TARBP1: variants seen among roughly 807,000 people sequenced by gnomAD.
TARBP1 encodes the protein tRNA (guanosine(18)-2'-O)-methyltransferase TARBP1.
A neutral mutation model predicts 178.6 loss-of-function variants in TARBP1; 144 were observed. The observed-to-expected ratio is 0.81, with a 90% CI of 0.70 to 0.93. The LOEUF is 0.93. TARBP1 is among the 40% of genes least tolerant of loss of function. TARBP1 has a pLI of 0.00. For synonymous variants in TARBP1, 787 were observed against 781.0 expected (o/e 1.01, Z -0.13); for missense variants, 2,067 against 2,011.7 (o/e 1.03, Z -0.53).
Position 234,478,292 on chromosome 1 carries a change from G to A in TARBP1, c.812C>T (p.Ala271Val). 1 of 1,559,798 alleles carries A rather than the reference G, an allele frequency of 6.4e-7. No individual in the cohort carries two copies. Among genetic ancestry groups the A allele is most frequent in the Non-Finnish European group, 8.6e-7 (1 of 1,157,572 alleles). ...CAGGGCGTCCGCCTGGCCCAGCCCC[G>A]CCTGCACCGTCCTCCAGAAGCGCCA... Reference protein sequence around the residue: ...RCWRFWRTVQAGLGQADALTR... With the variant: ...RCWRFWRTVQVGLGQADALTR... Residue 271 changes from alanine (A) to valine (V), a missense_variant, in exon 1 of 30, where the codon GCG becomes GTG. Transcript: ENST00000040877.
At chr1:234,402,791 G>A (rs1660830239) in intron 24 of TARBP1, among the ~76,000 whole-genome samples, 1 of 151,944 alleles carries the variant, frequency 6.6e-6, no homozygotes, top group African/African-American at 2.4e-5. Context: ...TTGCCATGTT[G>A]CCCAGGCTGA....
intron 29 of TARBP1, 110 bp from the exon 30 acceptor site, chr1:234,391,855 A>C: frequency 1.8e-6 from 2 of 1,138,898 alleles, no homozygotes; most frequent in South Asian, 2.9e-5. Context: ...TGATATTCTG[A>C]ATGTTACTAA....
rs982419043 is a variant in TARBP1, at chr1:234,399,673, G to T, written c.4072-1120C>A. 3.3e-5 allele frequency among the ~76,000 whole-genome samples: 5 copies of T among 152,104 alleles called. No homozygotes were observed. In the South Asian group the frequency reaches 1.0e-3, roughly 32 times the overall value. ...ATGATAGACTGGATTAAGAAAATGT[G>T]GCACATATACACCATGGAATACTAT... On this transcript the variant is annotated intron_variant, in intron 25 of 29. Transcript: ENST00000040877.
At chr1:234,400,669 T>C (rs927792709) in intron 25 of TARBP1, among the ~76,000 whole-genome samples, 2 of 152,136 alleles carry the variant, frequency 1.3e-5, no homozygotes, top group Non-Finnish European at 2.9e-5. Flanking sequence ...AATTTACATG[T>C]TAATCATAAT....
chr1:234,399,665 GAA>G (rs1347862364), intron 25 of TARBP1, among the ~76,000 whole-genome samples: 1 of 152,112 alleles, frequency 6.6e-6, no homozygotes, highest in East Asian at 1.9e-4. Flanking sequence ...ACTGGATTAA[GAA>G]AATGTGGCAC....
chr1:234,430,030 A>C, intron 15 of TARBP1, 57 bp downstream of exon 15: 1 of 1,504,670 alleles, frequency 6.6e-7, no homozygotes, highest in Non-Finnish European at 9.1e-7. Flanking sequence ...TTGGGCAATC[A>C]TGAACTCACG....
chr1:234,430,332 A>G, intron 14 of TARBP1, 31 bp from the exon 15 acceptor site: 1 of 1,596,660 alleles, frequency 6.3e-7, no homozygotes, highest in Non-Finnish European at 8.6e-7. Context: ...TGTTTTATTT[A>G]ATATGCACAA....
At chr1:234,464,388 A>G (rs1668218423) in intron 5 of TARBP1, among the ~76,000 whole-genome samples, 1 of 152,234 alleles carries the variant, frequency 6.6e-6, no homozygotes, top group African/African-American at 2.4e-5. Flanking sequence ...TTAATTGTTA[A>G]CATCTACTAA....
chr1:234,454,705 C>T (rs979723226), intron 9 of TARBP1, among the ~76,000 whole-genome samples: 2 of 152,214 alleles, frequency 1.3e-5, no homozygotes, highest in Non-Finnish European at 2.9e-5. Flanking sequence ...TGCCCTTTCC[C>T]ATCCTTCAGA....
At chr1:234,425,266 C>T (rs1663602073) in intron 20 of TARBP1, among the ~76,000 whole-genome samples, 1 of 152,128 alleles carries the variant, frequency 6.6e-6, no homozygotes, top group South Asian at 2.1e-4. Flanking sequence ...AAAAACACAA[C>T]CGGGTTTGAC....
Position 234,478,980 on chromosome 1 carries a change from G to C in TARBP1, c.124C>G (p.Arg42Gly), listed in dbSNP as rs1305892425. The C allele has an allele frequency of 6.7e-7, 1 of 1,481,800 alleles. No individual in the cohort carries two copies. The highest frequency in any genetic ancestry group is 8.9e-7 in the Non-Finnish European group (1 of 1,126,132). The allele number at this position is 1,481,800 out of a possible 1,614,324, so 91.8% of individuals were successfully genotyped here. ...RVETLRFLLQ[R>G]LEDEEARGSG... ...CCGCGCGCCTCCTCGTCCTCGAGCC[G>C]CTGCAGAAGGAAGCGCAGCGTCTCC... is the stretch of plus-strand genomic sequence containing the variant. Residue 42 changes from arginine (R) to glycine (G), a missense_variant, in exon 1 of 30, where the codon CGG becomes GGG. Arg to Gly is a moderately radical substitution (Grantham distance 125, BLOSUM62 -2). Coordinates refer to ENST00000040877, the MANE Select transcript of TARBP1 (RefSeq NM_005646.4).
At position 234,410,430 on chromosome 1, in the gene TARBP1, TACAA is replaced by T; in HGVS notation, c.3792+11_3792+14del. 1 of 1,403,508 alleles carries T rather than the reference TACAA, an allele frequency of 7.1e-7. No individual in the cohort carries two copies. The highest frequency in any genetic ancestry group is 1.4e-5 in the African/African-American group (1 of 69,892). The allele number at this position is 1,403,508 out of a possible 1,614,324, so 86.9% of individuals were successfully genotyped here. On this transcript the variant is annotated intron_variant, in intron 23 of 29. Transcript: ENST00000040877. ...TTTTTTACAGTCAAGTTTAAATTCT[TACAA>T]ACAAACTTACCTTTTCTGGAATATT...
At position 234,467,496 on chromosome 1, in the gene TARBP1, C is replaced by A; in HGVS notation, c.1248+6G>T. The A allele has an allele frequency of 6.3e-7, 1 of 1,580,312 alleles. No homozygotes were observed. The highest frequency in any genetic ancestry group is 1.2e-5 in the South Asian group (1 of 84,334). ...GGGAGCAAGGAAGGGGACAGGGTGT[C>A]ATTACCTCAGAAAATTCTGGTGAAA... On this transcript the variant is annotated splice_donor_region_variant and intron_variant, in intron 4 of 29. Transcript: ENST00000040877.
chr1:234,445,658 G>A (rs1666081574), intron 12 of TARBP1, among the ~76,000 whole-genome samples: 1 of 152,034 alleles, frequency 6.6e-6, no homozygotes, highest in Non-Finnish European at 1.5e-5. Context: ...ATCTATATAT[G>A]CGCTAAAAAT....
At position 234,411,202 on chromosome 1, in the gene TARBP1, A is replaced by C. The variant is rs545741011; in HGVS notation, c.3706-671T>G. Among the ~76,000 whole-genome samples, 64 of 152,388 alleles carry C rather than the reference A, an allele frequency of 4.2e-4. 1 individual carries two copies. The highest frequency in any genetic ancestry group is 2.1e-4 in the South Asian group (1 of 4,834). ...ACATAATGCAATTAAAAAGTAATAC[A>C]AAGTTTAAAACTGTATAACAGCGAT... On this transcript the variant is annotated intron_variant, in intron 22 of 29. Transcript: ENST00000040877.
chr1:234,425,758 G>A lies in TARBP1; in HGVS notation c.3359C>T (p.Ala1120Val). ...ATCTAATAAACACAGGAATTTGACA[G>A]CACAAATTCTCACATAATGGTCTTC... Reference protein sequence around the residue: ...KREDHYVRICAVKFLCLLDGS... With the variant: ...KREDHYVRICVVKFLCLLDGS... Residue 1120 changes from alanine to valine, a missense_variant, in exon 20 of 30, where the codon GCT becomes GTT. By Grantham distance (64) the Ala-to-Val change is moderately conservative. Transcript: ENST00000040877. 1.3e-6 allele frequency: 2 copies of A among 1,598,754 alleles called. No individual in the cohort carries two copies. Among genetic ancestry groups the A allele is most frequent in the East Asian group, 2.2e-5 (1 of 44,712 alleles).
At chr1:234,456,096 A>C (rs1361166910) in intron 9 of TARBP1, among the ~76,000 whole-genome samples, 1 of 152,234 alleles carries the variant, frequency 6.6e-6, no homozygotes, top group Admixed American at 6.5e-5. Context: ...ACCTCTCTCA[A>C]TCTGTATCAG....
At chr1:234,399,914 T>A (rs1034384190) in intron 25 of TARBP1, among the ~76,000 whole-genome samples, 6 of 150,514 alleles carry the variant, frequency 4.0e-5, no homozygotes, top group Admixed American at 1.3e-4. Context: ...GAGGGATAGC[T>A]TTAGGAGATA....
intron 13 of TARBP1, among the ~76,000 whole-genome samples, chr1:234,436,962 T>C (rs1665086946): frequency 6.6e-6 from 1 of 152,190 alleles, no homozygotes; most frequent in African/African-American, 2.4e-5. Flanking sequence ...AATCTTGGGA[T>C]TGGGCTCCAA....
Sources: gnomAD v4.1 joint callset for allele counts (sites outside exome capture counted in the v4.1 genomes callset) on GRCh38, gnomAD v4.1.1 for gene constraint, MANE v1.5 for transcripts, NCBI Gene and HGNC (gene_info 2026-07-23, HGNC 2026-07-21) for gene names.